Variants in NCKAP5 observed in about 807,000 individuals in gnomAD.
NCKAP5 encodes the protein nck-associated protein 5.
A neutral mutation model predicts 167.0 loss-of-function variants in NCKAP5; 92 were observed. That is an observed-to-expected ratio of 0.55 (90% confidence interval 0.47 to 0.66). The LOEUF is 0.66. Among genes scored for constraint, NCKAP5 ranks in the 30% least tolerant of loss-of-function variants. The pLI is 0.00. For synonymous variants in NCKAP5, 891 were observed against 877.4 expected, an observed-to-expected ratio of 1.02 and a Z score of -0.27; for missense variants, 2,378 against 2,315.0, an observed-to-expected ratio of 1.03 and a Z score of -0.56.
Position 132,758,771 on chromosome 2 carries a change from AC to A in NCKAP5, c.5128+15044del, listed in dbSNP as rs1482220653. ...TGAATGGCACAGATCAGACGAGCAAACCAAAGGCAGGCTGATGTGGCACATA... is the reference window on the plus strand; with the variant it reads ...TGAATGGCACAGATCAGACGAGCAAACAAAGGCAGGCTGATGTGGCACATA... On this transcript the variant is annotated intron_variant, in intron 16 of 19. Transcript: ENST00000409261. 2.0e-5 allele frequency among the ~76,000 whole-genome samples: 3 copies of A among 152,282 alleles called. No homozygotes were observed. The East Asian group carries it at 5.8e-4, about 29-fold the overall frequency.
chr2:132,706,174 C>T (rs968209613), intron 19 of NCKAP5, among the ~76,000 whole-genome samples: 16 of 152,158 alleles, frequency 1.1e-4, no homozygotes, highest in Non-Finnish European at 4.4e-5. Flanking sequence ...CATGCACTCC[C>T]TCTCTGTCCT....
rs190003555 is a variant in NCKAP5 at position 133,230,213 on chromosome 2, C to T, written c.144-16434G>A. ...GTGCATATACCTTGGAGCAGAGCAG[C>T]TGACCCACCACAGGCATCTGGTGGG... is the stretch of plus-strand genomic sequence containing the variant. On this transcript the variant is annotated intron_variant, in intron 4 of 19. Transcript: ENST00000409261. Among the ~76,000 whole-genome samples, 18 of 152,236 alleles carry T rather than the reference C, an allele frequency of 1.2e-4. No individual in the cohort carries two copies. In the East Asian group the frequency reaches 3.5e-3, roughly 30 times the overall value.
intron 6 of NCKAP5, among the ~76,000 whole-genome samples, chr2:133,092,019 G>T (rs2081200973): frequency 6.6e-6 from 1 of 152,144 alleles, no homozygotes. Context: ...CCATTTCAAT[G>T]GTCTCATCAC....
intron 8 of NCKAP5, among the ~76,000 whole-genome samples, chr2:132,896,843 C>G (rs1044514812): frequency 6.6e-6 from 1 of 152,160 alleles, no homozygotes; most frequent in Non-Finnish European, 1.5e-5. Flanking sequence ...CACTGTCCAG[C>G]AGCATGATGT....
At chr2:132,941,569 C>A (rs573004026) in intron 8 of NCKAP5, among the ~76,000 whole-genome samples, 1 of 152,194 alleles carries the variant, frequency 6.6e-6, no homozygotes, top group South Asian at 2.1e-4. Context: ...AGAGATCCTG[C>A]CTGAGAATAA....
intron 16 of NCKAP5, among the ~76,000 whole-genome samples, chr2:132,762,461 G>T (rs947872241): frequency 2.0e-5 from 3 of 152,104 alleles, no homozygotes; most frequent in Non-Finnish European, 4.4e-5. Context: ...GCACAAAATC[G>T]GGTCTCTGTA....
intron 11 of NCKAP5, among the ~76,000 whole-genome samples, chr2:132,817,022 C>T (rs574400969): frequency 2.0e-5 from 3 of 152,290 alleles, no homozygotes; most frequent in East Asian, 3.9e-4. Flanking sequence ...ACTGTCACCA[C>T]GTGGTACTGG....
chr2:133,406,306 G>A (rs1688423442), intron 3 of NCKAP5, among the ~76,000 whole-genome samples: 1 of 152,088 alleles, frequency 6.6e-6, no homozygotes, highest in African/African-American at 2.4e-5. Flanking sequence ...ATGAGTTTTG[G>A]GGAGTGCTTT....
intron 3 of NCKAP5, among the ~76,000 whole-genome samples, chr2:133,344,183 G>A (rs1221658180): frequency 6.6e-6 from 1 of 152,110 alleles, no homozygotes; most frequent in Non-Finnish European, 1.5e-5. Flanking sequence ...CAAGGTGGGT[G>A]GAATGCTTGA....
intron 16 of NCKAP5, among the ~76,000 whole-genome samples, chr2:132,755,881 T>TAATAATAATAATAATAAC (rs67465455): frequency 6.7e-6 from 1 of 148,176 alleles, no homozygotes; most frequent in African/African-American, 2.5e-5. Context: ...ATAATAATAA[T>TAATAATAATAATAATAAC]AACTATAATA....
the NCKAP5 span, among the ~76,000 whole-genome samples, chr2:133,618,123 C>T: frequency 2.0e-4 from 30 of 151,400 alleles, no homozygotes; most frequent in African/African-American, 7.3e-4. Context: ...GAAACTGGAT[C>T]CCTTCCTTAC....
chr2:133,052,031 A>T (rs1481098887), intron 6 of NCKAP5, among the ~76,000 whole-genome samples: 2 of 152,178 alleles, frequency 1.3e-5, no homozygotes, highest in Non-Finnish European at 2.9e-5. Context: ...TGATGAACAA[A>T]CTGCACTTTC....
intron 4 of NCKAP5, among the ~76,000 whole-genome samples, chr2:133,278,058 C>A (rs529122177): frequency 1.3e-5 from 2 of 152,264 alleles, no homozygotes; most frequent in East Asian, 3.9e-4. Context: ...CAGGTGAATT[C>A]CTTTATCAGC....
chr2:132,745,872 T>C lies in NCKAP5; in HGVS notation c.5129-13821A>G, dbSNP rs115971691. Among the ~76,000 whole-genome samples, 660 of 152,120 alleles carry C rather than the reference T, an allele frequency of 4.3e-3. 1 individual carries two copies. Among genetic ancestry groups the C allele is most frequent in the Non-Finnish European group, 7.2e-3 (491 of 67,896 alleles). On this transcript the variant is annotated intron_variant, in intron 16 of 19. Coordinates refer to ENST00000409261, the MANE Select transcript of NCKAP5 (RefSeq NM_207363.3). ...TATGAAAAAAACACATCTTATAAAA[T>C]GGTGAAACCTTGTACACTAAGAAGT...
At chr2:133,180,293 A>T (rs2084671820) in intron 5 of NCKAP5, among the ~76,000 whole-genome samples, 1 of 152,166 alleles carries the variant, frequency 6.6e-6, no homozygotes, top group Admixed American at 6.5e-5. Context: ...TTGCCAGTAG[A>T]CTTATCCTAA....
intron 6 of NCKAP5, among the ~76,000 whole-genome samples, chr2:133,051,421 T>C: frequency 6.6e-6 from 1 of 152,072 alleles, no homozygotes; most frequent in East Asian, 1.9e-4. Flanking sequence ...AGATGAAACA[T>C]TTAGTTAAAG....
chr2:133,014,413 A>G (rs1300186836), intron 6 of NCKAP5, among the ~76,000 whole-genome samples: 4 of 152,220 alleles, frequency 2.6e-5, no homozygotes, highest in African/African-American at 7.2e-5. Context: ...AGCCACTAGA[A>G]ATCTCCATCT....
intron 4 of NCKAP5, chr2:133,266,121 G>A (rs1272795538): frequency 6.6e-6 from 1 of 152,360 alleles, no homozygotes; most frequent in African/African-American, 2.4e-5. Flanking sequence ...GAGGGCGTGT[G>A]TGCGCGCCTG....
At chr2:132,761,624 A>T (rs1681017500) in intron 16 of NCKAP5, among the ~76,000 whole-genome samples, 1 of 152,260 alleles carries the variant, frequency 6.6e-6, no homozygotes, top group Non-Finnish European at 1.5e-5. Context: ...CTAATTTGGC[A>T]TATTGCCAGA....
Sources: gnomAD v4.1 joint callset for allele counts (sites outside exome capture counted in the v4.1 genomes callset) on GRCh38, gnomAD v4.1.1 for gene constraint, MANE v1.5 for transcripts, NCBI Gene and HGNC (gene_info 2026-07-23, HGNC 2026-07-21) for gene names.